LRRC28: variants seen among roughly 807,000 people sequenced by gnomAD.
LRRC28 encodes leucine-rich repeat-containing protein 28.
Under a neutral mutation model 45.7 loss-of-function variants are expected in LRRC28, and 39 were observed. That is an observed-to-expected ratio of 0.85 (90% CI 0.66 to 1.12). LRRC28 has a LOEUF of 1.12. Among genes scored for constraint, LRRC28 ranks in the 50% most tolerant of loss-of-function variants. LRRC28 has a pLI of 0.00. For synonymous variants in LRRC28, 206 were observed against 178.8 expected, an observed-to-expected ratio of 1.15 and a Z score of -1.22; for missense variants, 435 against 438.5, an observed-to-expected ratio of 0.99 and a Z score of 0.07.
In LRRC28 at chr15:99,387,433, T is replaced by C. The variant is rs2152564932; in HGVS notation, c.*1331T>C. On this transcript the variant is annotated 3_prime_UTR_variant, in exon 10 of 10. Transcript: ENST00000301981. The stretch of plus-strand genomic sequence containing the variant: ...TACTTCGTCACCTGGTGCACCACAC[T>C]GTCTTCATGTTGGCCCTCGTTTCTT... 6.6e-6 allele frequency: 1 copy of C among 152,338 alleles called. No individual in the cohort carries two copies. The highest frequency in any genetic ancestry group is 2.1e-4 in the South Asian group (1 of 4,824). The allele number at this position is 152,338 out of a possible 1,614,324, so 9.4% of individuals were successfully genotyped here.
At chr15:99,273,131 G>A (rs910506785) in intron 2 of LRRC28, among the ~76,000 whole-genome samples, 1 of 152,188 alleles carries the variant, frequency 6.6e-6, no homozygotes, top group Non-Finnish European at 1.5e-5. Flanking sequence ...AAAACAGAGA[G>A]TGATATTATG....
intron 3 of LRRC28, among the ~76,000 whole-genome samples, chr15:99,280,748 T>A (rs2081763497): frequency 6.6e-6 from 1 of 152,170 alleles, no homozygotes; most frequent in Non-Finnish European, 1.5e-5. Context: ...GTCTTAACAG[T>A]TTTTATCAAA....
intron 5 of LRRC28, among the ~76,000 whole-genome samples, chr15:99,322,539 C>G (rs1276927883): frequency 1.3e-5 from 2 of 151,932 alleles, no homozygotes; most frequent in South Asian, 2.1e-4. Flanking sequence ...CAGTGGTGTT[C>G]CCAGATTTGG....
intron 2 of LRRC28, chr15:99,258,580 C>A: frequency 1.3e-6 from 1 of 745,784 alleles, no homozygotes; most frequent in South Asian, 1.4e-5. Flanking sequence ...AAACAGAAAC[C>A]AAAGACTAAA....
chr15:99,359,323 T>C (rs1171364329), intron 7 of LRRC28, among the ~76,000 whole-genome samples: 1 of 152,214 alleles, frequency 6.6e-6, no homozygotes, highest in African/African-American at 2.4e-5. Context: ...AGGATTGTTA[T>C]TGCCAATATG....
At chr15:99,341,802 C>G (rs947055601) in intron 6 of LRRC28, among the ~76,000 whole-genome samples, 6 of 152,258 alleles carry the variant, frequency 3.9e-5, no homozygotes, top group Non-Finnish European at 7.4e-5. Flanking sequence ...CTAGAACTCA[C>G]AGCTTTTTAA....
intron 2 of LRRC28, among the ~76,000 whole-genome samples, chr15:99,257,365 TAAGA>T (rs2081053050): frequency 6.6e-6 from 1 of 152,220 alleles, no homozygotes; most frequent in South Asian, 2.1e-4. Flanking sequence ...AGAAGTGGTA[TAAGA>T]AATATTTTGA....
intron 5 of LRRC28, among the ~76,000 whole-genome samples, chr15:99,328,576 A>T (rs967478390): frequency 6.6e-5 from 10 of 151,638 alleles, no homozygotes; most frequent in African/African-American, 2.2e-4. Context: ...AGAAATACCT[A>T]GAAACTTGAT....
intron 9 of LRRC28, among the ~76,000 whole-genome samples, chr15:99,381,353 T>C (rs1957817956): frequency 6.6e-6 from 1 of 152,262 alleles, no homozygotes; most frequent in Non-Finnish European, 1.5e-5. Context: ...ATTTGTCATG[T>C]AGTTCTCGCG....
intron 9 of LRRC28, among the ~76,000 whole-genome samples, chr15:99,366,827 A>G (rs1957352869): frequency 1.3e-5 from 2 of 152,126 alleles, no homozygotes; most frequent in Non-Finnish European, 2.9e-5. Context: ...AAGCACAGGA[A>G]TTTTGGGGGC....
chr15:99,309,572 C>A (rs1347156953), intron 5 of LRRC28, among the ~76,000 whole-genome samples: 2 of 152,116 alleles, frequency 1.3e-5, no homozygotes, highest in African/African-American at 4.8e-5. Flanking sequence ...CCACGCCTGG[C>A]TAATTTTTGT....
chr15:99,355,849 A>G (rs976414246), intron 7 of LRRC28: 4 of 152,192 alleles, frequency 2.6e-5, no homozygotes, highest in African/African-American at 9.7e-5. Flanking sequence ...GTTTATTAAT[A>G]TAACCACTGA....
chr15:99,308,587 G>A (rs1383403372), intron 5 of LRRC28, among the ~76,000 whole-genome samples: 1 of 152,158 alleles, frequency 6.6e-6, no homozygotes, highest in Non-Finnish European at 1.5e-5. Flanking sequence ...TGGGGGGATT[G>A]CTTGACTCTA....
At chr15:99,259,897 C>T (rs767583149) in intron 2 of LRRC28, 19 of 733,506 alleles carry the variant, frequency 2.6e-5, no homozygotes, top group South Asian at 4.4e-5. Flanking sequence ...AAGAACCCGA[C>T]GAAGAACCTG....
intron 5 of LRRC28, among the ~76,000 whole-genome samples, chr15:99,305,655 A>G (rs1955156648): frequency 6.6e-6 from 1 of 152,152 alleles, no homozygotes; most frequent in South Asian, 2.1e-4. Context: ...ATCTTTTTTT[A>G]AAAGCTCTAT....
chr15:99,358,961 A>G (rs1957124461), intron 7 of LRRC28, among the ~76,000 whole-genome samples: 1 of 151,878 alleles, frequency 6.6e-6, no homozygotes, highest in African/African-American at 2.4e-5. Flanking sequence ...CTGTAATCCT[A>G]GCTACTCAGG....
chr15:99,275,185 G>A (rs1353233575), intron 2 of LRRC28, among the ~76,000 whole-genome samples: 1 of 152,188 alleles, frequency 6.6e-6, no homozygotes, highest in African/African-American at 2.4e-5. Flanking sequence ...GTTATTTACA[G>A]GAGGCTTTCT....
At chr15:99,355,971 A>C (rs1046405310) in intron 7 of LRRC28, among the ~76,000 whole-genome samples, 14 of 152,226 alleles carry the variant, frequency 9.2e-5, no homozygotes, top group African/African-American at 3.1e-4. Flanking sequence ...CCTGAAACAC[A>C]CTTCAGTGGA....
chr15:99,259,192 G>A (rs2081118151), intron 2 of LRRC28: 2 of 1,118,098 alleles, frequency 1.8e-6, no homozygotes, highest in Non-Finnish European at 2.7e-6. Context: ...GCCTACACCA[G>A]GATGTTGAAA....
Sources: gnomAD v4.1 joint callset for allele counts (sites outside exome capture counted in the v4.1 genomes callset) on GRCh38, gnomAD v4.1.1 for gene constraint, MANE v1.5 for transcripts, NCBI Gene and HGNC (gene_info 2026-07-23, HGNC 2026-07-21) for gene names.